Variants in ADAMTS14 observed in about 807,000 individuals in gnomAD.
The protein encoded by ADAMTS14 is ADAM metallopeptidase with thrombospondin type 1 motif 14.
ADAMTS14 carries 100 observed loss-of-function variants against 128.6 expected under a neutral mutation model. The observed-to-expected ratio is 0.78, with a 90% CI of 0.66 to 0.92. ADAMTS14 has a LOEUF of 0.92. ADAMTS14 is among the 40% of genes least tolerant of loss of function. The pLI, the probability that ADAMTS14 is intolerant of heterozygous loss-of-function variation, is 0.00. For synonymous variants in ADAMTS14, 665 were observed against 653.8 expected, an observed-to-expected ratio of 1.02 and a Z score of -0.26; for missense variants, 1,562 against 1,658.6, an observed-to-expected ratio of 0.94 and a Z score of 1.01.
At chr10:70,744,231 G>A (rs1262778862) in intron 14 of ADAMTS14, 42 bp downstream of exon 14, 1 of 1,475,872 alleles carries the variant, frequency 6.8e-7, no homozygotes, top group Non-Finnish European at 9.0e-7. Flanking sequence ...GGGCTGACTG[G>A]AGTTCTTGCC....
Position 70,712,295 on chromosome 10 carries a change from G to A in ADAMTS14, c.870+3517G>A, listed in dbSNP as rs865877341. ...AGGGGAGACCTCAGGATGCCCAAGA[G>A]TGGTAGGAACCTGGGTCCCACGGCC... On this transcript the variant is annotated intron_variant, in intron 4 of 21. Coordinates refer to ENST00000373207, the MANE Select transcript of ADAMTS14 (RefSeq NM_080722.4). Among the ~76,000 whole-genome samples, 4 of 152,320 alleles carry A rather than the reference G, an allele frequency of 2.6e-5. No individual in the cohort carries two copies. In the Middle Eastern group the frequency reaches 0.014, roughly 518 times the overall value.
chr10:70,746,184 C>T (rs1398878050), intron 15 of ADAMTS14, among the ~76,000 whole-genome samples: 1 of 152,160 alleles, frequency 6.6e-6, no homozygotes, highest in Non-Finnish European at 1.5e-5. Context: ...AACACCAAGC[C>T]ACTAAATGAG....
intron 4 of ADAMTS14, among the ~76,000 whole-genome samples, chr10:70,711,254 G>A (rs1007128368): frequency 2.6e-5 from 4 of 152,198 alleles, no homozygotes; most frequent in African/African-American, 7.2e-5. Context: ...ACAACACAAC[G>A]CTGACTCCTA....
intron 6 of ADAMTS14, 63 bp downstream of exon 6, chr10:70,730,312 G>A (rs1389444679): frequency 2.2e-5 from 34 of 1,555,622 alleles, no homozygotes; most frequent in Middle Eastern, 3.5e-4. Flanking sequence ...GACAGAGGCT[G>A]GGCCTGGAGG....
intron 2 of ADAMTS14, among the ~76,000 whole-genome samples, chr10:70,695,048 C>T (rs1455986201): frequency 1.3e-5 from 2 of 152,184 alleles, no homozygotes; most frequent in Non-Finnish European, 2.9e-5. Flanking sequence ...GGTTATCTGA[C>T]TTTCTGATTC....
At chr10:70,679,478 A>G (rs1839738190) in intron 2 of ADAMTS14, among the ~76,000 whole-genome samples, 1 of 152,042 alleles carries the variant, frequency 6.6e-6, no homozygotes, top group African/African-American at 2.4e-5. Flanking sequence ...TTCTTTGCGG[A>G]TCCTGGAGAA....
chr10:70,755,326 AAAAAG>A (rs1842455699), intron 19 of ADAMTS14, among the ~76,000 whole-genome samples: 1 of 151,790 alleles, frequency 6.6e-6, no homozygotes, highest in African/African-American at 2.4e-5. Context: ...AAAAAAAAAA[AAAAAG>A]AAAAGAAATA....
At chr10:70,721,448 C>T (rs534215800) in intron 4 of ADAMTS14, among the ~76,000 whole-genome samples, 33 of 150,020 alleles carry the variant, frequency 2.2e-4, no homozygotes, top group South Asian at 1.1e-3. Flanking sequence ...TGCAGTGGTG[C>T]GATCTCAGCT....
intron 3 of ADAMTS14, 149 bp downstream of exon 3, chr10:70,702,617 G>A: frequency 9.1e-7 from 1 of 1,099,048 alleles, no homozygotes; most frequent in Non-Finnish European, 1.3e-6. Context: ...TGTACTGGCA[G>A]AGAAACCCCA....
At position 70,730,116 on chromosome 10, in the gene ADAMTS14, C is replaced by T. The variant is rs57511311; in HGVS notation, c.969C>T (p.Ile323=). 2.0e-3 allele frequency: 3,261 copies of T among 1,605,562 alleles called. 26 individuals are homozygous for T. The African/African-American group carries it at 0.023, about 11-fold the overall frequency. Residue 323 remains isoleucine (I), a synonymous_variant, in exon 6 of 22, where the codon ATC becomes ATT. Coordinates refer to ENST00000373207, the MANE Select transcript of ADAMTS14 (RefSeq NM_080722.4). ...MVGYRQSLSL[I]ERGNPSRSLE... ...GGCCCCTGCAGTCCCTGAGCCTGAT[C>T]GAGCGCGGGAACCCCTCACGCAGCC...
chr10:70,695,514 C>T (rs1840308911), intron 2 of ADAMTS14, among the ~76,000 whole-genome samples: 1 of 152,134 alleles, frequency 6.6e-6, no homozygotes, highest in African/African-American at 2.4e-5. Context: ...CTGGCCCCTG[C>T]AGGTTATGTA....
At chr10:70,701,255 A>C (rs1210684281) in intron 2 of ADAMTS14, among the ~76,000 whole-genome samples, 1 of 152,224 alleles carries the variant, frequency 6.6e-6, no homozygotes, top group African/African-American at 2.4e-5. Context: ...TTGTCACTGG[A>C]GTTCCAATTC....
intron 4 of ADAMTS14, among the ~76,000 whole-genome samples, chr10:70,713,514 A>G (rs1436709291): frequency 6.6e-6 from 1 of 152,134 alleles, no homozygotes; most frequent in African/African-American, 2.4e-5. Context: ...ACCGTCCCCT[A>G]CTCTGCTGGC....
At chr10:70,739,052 G>T in intron 11 of ADAMTS14, 62 bp downstream of exon 11, 1 of 1,541,770 alleles carries the variant, frequency 6.5e-7, no homozygotes, top group African/African-American at 1.4e-5. Flanking sequence ...GAGGGGCTTG[G>T]AGGGGAAGGC....
chr10:70,742,247 C>T (rs987837882), intron 12 of ADAMTS14, among the ~76,000 whole-genome samples: 1 of 152,214 alleles, frequency 6.6e-6, no homozygotes, highest in Non-Finnish European at 1.5e-5. Flanking sequence ...AGCTGCCTGC[C>T]TGGGTCAGGA....
In ADAMTS14 at chr10:70,674,850, G is replaced by C. The variant is rs753803274; in HGVS notation, c.377G>C (p.Arg126Thr). The change falls in exon 2 of 22, where the codon AGG becomes ACG. Residue 126 changes from arginine to threonine, a missense_variant. Arg to Thr is a moderately conservative substitution (Grantham distance 71). Transcript: ENST00000373207. ...ELHLRLRPNRRLVVPGSSVEW... is the reference protein window; with the variant it reads ...ELHLRLRPNRTLVVPGSSVEW... ...CACTTGCGCCTGCGGCCCAATCGGA[G>C]GTTGGTAGTGCCAGGATCCTCAGTG... is the stretch of plus-strand genomic sequence containing the variant. 7.4e-6 allele frequency: 12 copies of C among 1,613,972 alleles called. No homozygotes were observed. Among genetic ancestry groups the C allele is most frequent in the Non-Finnish European group, 1.0e-5 (12 of 1,180,056 alleles).
chr10:70,757,441 G>A (rs1197105806), intron 19 of ADAMTS14, among the ~76,000 whole-genome samples: 2 of 152,202 alleles, frequency 1.3e-5, no homozygotes, highest in African/African-American at 4.8e-5. Flanking sequence ...TGTTTACAGA[G>A]TAAGACACTG....
chr10:70,708,684 A>G lies in ADAMTS14; in HGVS notation c.776A>G (p.Tyr259Cys), dbSNP rs748898247. The G allele has an allele frequency of 3.7e-6, 6 of 1,613,488 alleles. No homozygotes were observed. The Admixed American group carries it at 8.3e-5, about 22-fold the overall frequency. Residue 259 changes from tyrosine to cysteine, a missense_variant, in exon 4 of 22, where the codon TAC becomes TGC. By Grantham distance (194) the Tyr-to-Cys change is radical. Coordinates refer to ENST00000373207, the MANE Select transcript of ADAMTS14 (RefSeq NM_080722.4). ...CGGCGGCATGCCAAGCCAGGCAGCT[A>G]CAGCATCGAGGTGCTGCTGGTGGTG... ...RKRRHAKPGS[Y>C]SIEVLLVVDD...
intron 2 of ADAMTS14, among the ~76,000 whole-genome samples, chr10:70,697,517 C>T (rs1480604333): frequency 6.6e-6 from 1 of 152,242 alleles, no homozygotes; most frequent in Admixed American, 6.5e-5. Context: ...TCCCAGTTTA[C>T]ATGCACATAC....
Sources: allele counts gnomAD v4.1 joint callset (sites outside exome capture counted in the v4.1 genomes callset), GRCh38; gene constraint gnomAD v4.1.1; transcripts MANE v1.5; gene names NCBI Gene and HGNC (gene_info 2026-07-23, HGNC 2026-07-21).